The following DLGAP2 variants were observed in gnomAD, a reference collection of about 807,000 sequenced individuals.
DLGAP2 encodes the protein DLG associated protein 2, also known as disks large-associated protein 2.
DLGAP2 carries 26 observed loss-of-function variants against 100.3 expected under a neutral mutation model. The observed-to-expected ratio is 0.26, with a 90% CI of 0.19 to 0.36. The LOEUF is 0.36. DLGAP2 is among the 10% of genes least tolerant of loss of function. The pLI, the probability that DLGAP2 is intolerant of heterozygous loss-of-function variation, is 1.00. For missense variants in DLGAP2, 1,858 were observed against 1,453.2 expected, an observed-to-expected ratio of 1.28 and a Z score of -4.53; for synonymous variants, 886 against 630.1, an observed-to-expected ratio of 1.41 and a Z score of -6.08.
chr8:1,702,546 G>A lies in DLGAP2; in HGVS notation c.*1140G>A, dbSNP rs1400744499. On this transcript the variant is annotated 3_prime_UTR_variant, in exon 15 of 15. Coordinates refer to ENST00000637795, the MANE Select transcript of DLGAP2 (RefSeq NM_001346810.2). ...TCCTATGCAGTATTGCTAAAGTCGA[G>A]AATATATTCCTTGCCTGTGTTAGAC... 2 of 152,336 alleles carry A rather than the reference G, an allele frequency of 1.3e-5. No individual in the cohort carries two copies. The highest frequency in any genetic ancestry group is 4.8e-5 in the African/African-American group (2 of 41,366). 9.4% of individuals were successfully genotyped at this position (152,336 alleles called of 1,614,324 possible). A position where few individuals can be genotyped will look rare whatever the true frequency, so the allele number is the denominator to read the frequency against.
At chr8:1,442,289 C>G (rs1443117266) in intron 3 of DLGAP2, among the ~76,000 whole-genome samples, 1 of 133,776 alleles carries the variant, frequency 7.5e-6, no homozygotes, top group Non-Finnish European at 1.6e-5. Context: ...GGAGATGGAT[C>G]CAGTCATAGA....
chr8:1,458,248 G>A (rs1222608035), intron 3 of DLGAP2, among the ~76,000 whole-genome samples: 6 of 151,738 alleles, frequency 4.0e-5, no homozygotes, highest in Non-Finnish European at 8.8e-5. Context: ...TTGCCTTCCT[G>A]CAGCATGTTT....
chr8:1,692,545 G>C (rs1799280127), intron 13 of DLGAP2, among the ~76,000 whole-genome samples: 1 of 152,186 alleles, frequency 6.6e-6, no homozygotes, highest in Non-Finnish European at 1.5e-5. Context: ...CAGCAGCGCG[G>C]CGTGACACTG....
At chr8:1,265,756 C>G (rs1409257199) in intron 3 of DLGAP2, among the ~76,000 whole-genome samples, 1 of 151,934 alleles carries the variant, frequency 6.6e-6, no homozygotes, top group South Asian at 2.1e-4. Context: ...AATACTGATG[C>G]CAGATGATGT....
intron 4 of DLGAP2, among the ~76,000 whole-genome samples, chr8:1,533,157 A>G (rs1801038890): frequency 6.6e-6 from 1 of 152,026 alleles, no homozygotes; most frequent in Admixed American, 6.6e-5. Flanking sequence ...AAAAAGATTA[A>G]CGGCATAAAT....
chr8:1,444,256 T>A (rs1240912157), intron 3 of DLGAP2, among the ~76,000 whole-genome samples: 2 of 152,194 alleles, frequency 1.3e-5, no homozygotes, highest in African/African-American at 4.8e-5. Context: ...CGTCTCAATA[T>A]CATCGTCTTC....
intron 1 of DLGAP2, among the ~76,000 whole-genome samples, chr8:901,029 G>T (rs978477217): frequency 6.6e-6 from 1 of 152,218 alleles, no homozygotes; most frequent in Admixed American, 6.5e-5. Context: ...AGTGGCTCAT[G>T]CCTGAAATCC....
chr8:833,935 G>A (rs565719295), intron 1 of DLGAP2, among the ~76,000 whole-genome samples: 1 of 152,310 alleles, frequency 6.6e-6, no homozygotes, highest in African/African-American at 2.4e-5. Flanking sequence ...TATTTATGGA[G>A]CTGGTGGCTC....
At chr8:764,132 C>T (rs553630331) in intron 1 of DLGAP2, among the ~76,000 whole-genome samples, 52 of 152,170 alleles carry the variant, frequency 3.4e-4, no homozygotes, top group Non-Finnish European at 3.1e-4. Flanking sequence ...CTCCTGAAGG[C>T]ATGACATGCT....
At chr8:739,247 G>C (rs1820417721) in intron 1 of DLGAP2, 1 of 152,138 alleles carries the variant, frequency 6.6e-6, no homozygotes, top group Non-Finnish European at 1.5e-5. Context: ...GACGCGAAGG[G>C]GGGTACCCCC....
chr8:1,601,726 C>T (rs1796631089), intron 6 of DLGAP2, among the ~76,000 whole-genome samples: 1 of 152,168 alleles, frequency 6.6e-6, no homozygotes. Flanking sequence ...GCTCGTTCAC[C>T]ACTCTGGTCT....
intron 2 of DLGAP2, among the ~76,000 whole-genome samples, chr8:1,232,784 C>G (rs1319325893): frequency 1.3e-5 from 2 of 152,206 alleles, no homozygotes; most frequent in Non-Finnish European, 2.9e-5. Context: ...TTTTGAGTAA[C>G]TTTATTGAAG....
At chr8:1,206,727 T>G (rs1798003776) in intron 2 of DLGAP2, among the ~76,000 whole-genome samples, 1 of 152,210 alleles carries the variant, frequency 6.6e-6, no homozygotes, top group African/African-American at 2.4e-5. Context: ...AGTCCTTAGC[T>G]GCGTCCTGGA....
chr8:815,506 G>C lies in DLGAP2; in HGVS notation c.18+77681G>C, dbSNP rs183861299. Among the ~76,000 whole-genome samples, 5 of 152,282 alleles carry C rather than the reference G, an allele frequency of 3.3e-5. No homozygotes were observed. In the East Asian group the frequency reaches 9.6e-4, roughly 29 times the overall value. ...AGGGAAAATCCTTTCAGATGGATAC[G>C]TTGTATCACCTGCTAAGCGGAAATA... On this transcript the variant is annotated intron_variant, in intron 1 of 14. Coordinates refer to ENST00000637795, the MANE Select transcript of DLGAP2 (RefSeq NM_001346810.2).
At chr8:1,683,826 T>G in intron 12 of DLGAP2, among the ~76,000 whole-genome samples, 1 of 99,430 alleles carries the variant, frequency 1.0e-5, no homozygotes, top group Middle Eastern at 5.1e-3. Flanking sequence ...TTCCTTGTCT[T>G]TGCTCCACTA....
chr8:1,127,413 C>T (rs920412540), intron 2 of DLGAP2, among the ~76,000 whole-genome samples: 28 of 151,498 alleles, frequency 1.8e-4, no homozygotes, highest in Admixed American at 1.6e-3. Context: ...TGTAGAGGTC[C>T]CTTCGTGTGT....
intron 1 of DLGAP2, among the ~76,000 whole-genome samples, chr8:904,295 G>A (rs908675932): frequency 6.6e-6 from 1 of 152,178 alleles, no homozygotes; most frequent in African/African-American, 2.4e-5. Context: ...CGAGGTGGGT[G>A]GATTGCTTGA....
intron 6 of DLGAP2, among the ~76,000 whole-genome samples, chr8:1,570,322 A>G (rs1027427220): frequency 3.3e-5 from 5 of 152,228 alleles, no homozygotes; most frequent in African/African-American, 1.2e-4. Context: ...GGCTGGCACC[A>G]TGATGTCGTC....
chr8:1,541,898 CATG>C (rs1801372728), intron 4 of DLGAP2, among the ~76,000 whole-genome samples: 1 of 152,168 alleles, frequency 6.6e-6, no homozygotes, highest in Non-Finnish European at 1.5e-5. Flanking sequence ...ACTCCACAAT[CATG>C]GTCACGGAAC....
Sources: gnomAD v4.1 joint callset for allele counts (sites outside exome capture counted in the v4.1 genomes callset) on GRCh38, gnomAD v4.1.1 for gene constraint, MANE v1.5 for transcripts, NCBI Gene and HGNC (gene_info 2026-07-23, HGNC 2026-07-21) for gene names.